Variants in GPC5 observed in about 807,000 individuals in gnomAD.
GPC5 encodes glypican 5, also known as glypican-5.
Under a neutral mutation model 53.9 loss-of-function variants are expected in GPC5, and 47 were observed. That is an observed-to-expected ratio of 0.87 (90% CI 0.69 to 1.11). GPC5 has a LOEUF of 1.11. Ranked by LOEUF, GPC5 falls within the 50% of genes most tolerant of loss-of-function variation. The probability of loss-of-function intolerance (pLI) is 0.00; values close to 1 mark genes in which losing one functional copy is unlikely to be tolerated. For missense variants in GPC5, 748 were observed against 713.1 expected (o/e 1.05, Z -0.56); for synonymous variants, 286 against 263.3 (o/e 1.09, Z -0.84).
chr13:92,765,525 GGAGT>G (rs1451301524), intron 7 of GPC5, among the ~76,000 whole-genome samples: 1 of 152,150 alleles, frequency 6.6e-6, no homozygotes, highest in African/African-American at 2.4e-5. Flanking sequence ...GGTGTGACAC[GGAGT>G]GAGTGACATA....
intron 7 of GPC5, among the ~76,000 whole-genome samples, chr13:92,325,743 G>C (rs12100211): frequency 0.01 from 1,544 of 152,152 alleles, 24 homozygotes; most frequent in African/African-American, 0.035. Context: ...AGTGAAAGGA[G>C]TTGGCCAAAA....
chr13:92,444,738 AAAG>A (rs1205140393), intron 7 of GPC5, among the ~76,000 whole-genome samples: 43 of 126,228 alleles, frequency 3.4e-4, no homozygotes, highest in African/African-American at 1.2e-3. Flanking sequence ...AAAAAAAAAA[AAAG>A]TCTAAACTTA....
chr13:92,697,566 G>GTTGT (rs1407941731), intron 7 of GPC5, among the ~76,000 whole-genome samples: 1 of 152,186 alleles, frequency 6.6e-6, no homozygotes, highest in African/African-American at 2.4e-5. Context: ...CTTTGCTGAA[G>GTTGT]TTGTTTATCA....
chr13:92,698,468 C>T (rs1410716091), intron 7 of GPC5, among the ~76,000 whole-genome samples: 3 of 152,126 alleles, frequency 2.0e-5, no homozygotes, highest in Non-Finnish European at 4.4e-5. Flanking sequence ...TTTCCAGCTT[C>T]ATCCATGTCC....
At chr13:91,408,226 C>T (rs953140364) in intron 1 of GPC5, among the ~76,000 whole-genome samples, 1 of 152,138 alleles carries the variant, frequency 6.6e-6, no homozygotes, top group African/African-American at 2.4e-5. Flanking sequence ...TCCCCAACAG[C>T]CCCAGCTCCT....
chr13:92,182,633 G>T (rs1185958366), intron 7 of GPC5, among the ~76,000 whole-genome samples: 1 of 152,136 alleles, frequency 6.6e-6, no homozygotes, highest in East Asian at 1.9e-4. Flanking sequence ...ATGGGAGGCC[G>T]AGGTGGGCAG....
intron 4 of GPC5, among the ~76,000 whole-genome samples, chr13:91,751,299 A>G (rs998433831): frequency 3.9e-5 from 6 of 152,196 alleles, no homozygotes; most frequent in Non-Finnish European, 7.3e-5. Context: ...CTTTTGCAGA[A>G]TTTCTGATTA....
At chr13:91,674,969 C>CT (rs908505812) in intron 2 of GPC5, among the ~76,000 whole-genome samples, 6 of 151,416 alleles carry the variant, frequency 4.0e-5, no homozygotes, top group Admixed American at 1.3e-4. Context: ...CCTTATTTCC[C>CT]TTTTTTTTCT....
At chr13:92,801,953 T>C (rs893224998) in intron 7 of GPC5, among the ~76,000 whole-genome samples, 19 of 151,842 alleles carry the variant, frequency 1.3e-4, no homozygotes, top group Non-Finnish European at 2.8e-4. Flanking sequence ...ATGGTTATTA[T>C]TGAAGAAAAA....
chr13:92,068,387 G>C (rs1484062758), intron 6 of GPC5, among the ~76,000 whole-genome samples: 1 of 151,690 alleles, frequency 6.6e-6, no homozygotes, highest in Non-Finnish European at 1.5e-5. Context: ...CGGTGATCCT[G>C]ATAGCTATAT....
chr13:91,612,573 G>A (rs1214526822), intron 2 of GPC5, among the ~76,000 whole-genome samples: 2 of 152,128 alleles, frequency 1.3e-5, no homozygotes, highest in East Asian at 1.9e-4. Flanking sequence ...GGGAATCTAC[G>A]ATGTTAGCGA....
At chr13:92,764,889 T>G (rs1256225023) in intron 7 of GPC5, among the ~76,000 whole-genome samples, 1 of 152,124 alleles carries the variant, frequency 6.6e-6, no homozygotes, top group South Asian at 2.1e-4. Flanking sequence ...GTCATTACAA[T>G]GGATGAGCTA....
intron 7 of GPC5, among the ~76,000 whole-genome samples, chr13:92,250,610 C>T (rs180782803): frequency 1.3e-3 from 193 of 152,116 alleles, no homozygotes; most frequent in African/African-American, 4.5e-3. Context: ...CTTGCTTGAC[C>T]GCCGCTGCTG....
chr13:92,711,507 G>T (rs9523787), intron 7 of GPC5, among the ~76,000 whole-genome samples: 22,230 of 152,004 alleles, frequency 0.15, 1,996 homozygotes, highest in Non-Finnish European at 0.21. Context: ...TACAGTTGGA[G>T]CATTTAATAT....
intron 7 of GPC5, among the ~76,000 whole-genome samples, chr13:92,736,102 T>C (rs1287951787): frequency 6.6e-6 from 1 of 152,012 alleles, no homozygotes; most frequent in Non-Finnish European, 1.5e-5. Flanking sequence ...ATCCCCCATC[T>C]CATCTATCCA....
chr13:91,419,021 G>A (rs551940930), intron 1 of GPC5, among the ~76,000 whole-genome samples: 58 of 151,976 alleles, frequency 3.8e-4, no homozygotes, highest in African/African-American at 1.4e-3. Context: ...TAATTATATC[G>A]TGTGTTTTGT....
chr13:92,148,892 A>G (rs2150471), intron 7 of GPC5, among the ~76,000 whole-genome samples: 46,155 of 151,976 alleles, frequency 0.3, 7,980 homozygotes, highest in South Asian at 0.59. Context: ...AAGCAGAACT[A>G]CTAAAAACAA....
chr13:91,509,682 A>T (rs991551694), intron 2 of GPC5, among the ~76,000 whole-genome samples: 1 of 152,072 alleles, frequency 6.6e-6, no homozygotes, highest in African/African-American at 2.4e-5. Flanking sequence ...TTCTAAAGTA[A>T]CATTTTTATT....
intron 6 of GPC5, among the ~76,000 whole-genome samples, chr13:91,987,831 TATAA>T (rs1463739662): frequency 6.9e-6 from 1 of 145,664 alleles, no homozygotes; most frequent in Non-Finnish European, 1.5e-5. Flanking sequence ...TTATATTATA[TATAA>T]ATATACTATA....
Sources: allele counts gnomAD v4.1 joint callset (sites outside exome capture counted in the v4.1 genomes callset), GRCh38; gene constraint gnomAD v4.1.1; transcripts MANE v1.5; gene names NCBI Gene and HGNC (gene_info 2026-07-23, HGNC 2026-07-21).